Variants in SNX14 observed in about 807,000 individuals in gnomAD.
The protein encoded by SNX14 is sorting nexin-14.
Under a neutral mutation model 133.8 loss-of-function variants are expected in SNX14, and 93 were observed. The observed-to-expected ratio is 0.70, with a 90% CI of 0.59 to 0.83. SNX14 has a LOEUF of 0.83. SNX14 is among the 40% of genes least tolerant of loss of function. The probability of loss-of-function intolerance (pLI) is 0.00; values close to 1 mark genes in which losing one functional copy is unlikely to be tolerated. For synonymous variants in SNX14, 368 were observed against 365.6 expected (o/e 1.01, Z -0.07); for missense variants, 945 against 1,094.9 (o/e 0.86, Z 1.93).
At chr6:85,545,189 G>A (rs1420573746) in intron 12 of SNX14, among the ~76,000 whole-genome samples, 1 of 151,822 alleles carries the variant, frequency 6.6e-6, no homozygotes, top group Non-Finnish European at 1.5e-5. Context: ...CAAAAAAATA[G>A]GAAAGATAAA....
At chr6:85,554,289 AT>A (rs1788869223) in intron 7 of SNX14, among the ~76,000 whole-genome samples, 1 of 151,766 alleles carries the variant, frequency 6.6e-6, no homozygotes, top group Admixed American at 6.6e-5. Context: ...ATATTCATAT[AT>A]TTCATATACA....
chr6:85,572,033 T>C lies in SNX14; in HGVS notation c.417+104A>G, dbSNP rs534553048. On this transcript the variant is annotated intron_variant, in intron 4 of 28. Coordinates refer to ENST00000314673, the MANE Select transcript of SNX14 (RefSeq NM_153816.6). The stretch of plus-strand genomic sequence containing the variant: ...TGCCTCAGAACTGATTTAAGTGACA[T>C]GTATTAAGATGCTCCATGATTAAAT... The C allele has an allele frequency of 7.0e-5, 59 of 845,322 alleles. 1 individual carries two copies. In the South Asian group the frequency reaches 9.7e-4, roughly 14 times the overall value. 52.4% of individuals were successfully genotyped at this position (845,322 alleles called of 1,614,324 possible).
intron 1 of SNX14, chr6:85,589,225 C>CTT (rs34164476): frequency 1.5e-3 from 200 of 130,960 alleles, no homozygotes; most frequent in Middle Eastern, 7.9e-3. Flanking sequence ...TCTGGCACCA[C>CTT]TTTTTTTTTT....
In SNX14 at chr6:85,528,306, C is replaced by G; in HGVS notation, c.1951G>C (p.Glu651Gln). 6.2e-7 allele frequency: 1 copy of G among 1,613,322 alleles called. No homozygotes were observed. Among genetic ancestry groups the G allele is most frequent in the Non-Finnish European group, 8.5e-7 (1 of 1,179,602 alleles). The change falls in exon 20 of 29, where the codon GAA (glutamate) becomes CAA (glutamine). Residue 651 changes from glutamate to glutamine, a missense_variant. Physicochemically the swap from Glu to Gln is conservative, Grantham distance 29 (BLOSUM62 2). Transcript: ENST00000314673. ...SKRIIGPKNY[E>Q]FLKSKREEFQ... ...TCTTCCCTCTTTGACTTTAAGAATTCATAATTTTTGGGGCCAATGATCCTC... is the reference window on the plus strand; with the variant it reads ...TCTTCCCTCTTTGACTTTAAGAATTGATAATTTTTGGGGCCAATGATCCTC...
intron 17 of SNX14, 59 bp downstream of exon 17, chr6:85,536,733 T>C: frequency 2.6e-6 from 4 of 1,525,346 alleles, no homozygotes; most frequent in Non-Finnish European, 3.5e-6. Context: ...GTATATCTAA[T>C]TTTTATGTCA....
intron 18 of SNX14, among the ~76,000 whole-genome samples, chr6:85,532,418 C>T (rs1371388595): frequency 6.6e-6 from 1 of 152,180 alleles, no homozygotes; most frequent in Non-Finnish European, 1.5e-5. Context: ...TTCTTCCCTC[C>T]CAATTCCTAT....
chr6:85,538,056 T>C (rs1782495202), intron 16 of SNX14, among the ~76,000 whole-genome samples: 1 of 152,258 alleles, frequency 6.6e-6, no homozygotes. Context: ...GTATAGCTAT[T>C]ACTCCTATGA....
At chr6:85,558,875 C>A (rs1790611067) in intron 6 of SNX14, among the ~76,000 whole-genome samples, 1 of 151,326 alleles carries the variant, frequency 6.6e-6, no homozygotes, top group East Asian at 1.9e-4. Context: ...CTAGAAGCTG[C>A]AGTGATCATG....
At position 85,534,831 on chromosome 6, in the gene SNX14, G is replaced by GTTTT. The variant is rs371318721; in HGVS notation, c.1609-1035_1609-1032dup. On this transcript the variant is annotated intron_variant, in intron 17 of 28. Coordinates refer to ENST00000314673, the MANE Select transcript of SNX14 (RefSeq NM_153816.6). ...TAGTCTACAGGGGTGAAAAGGGAAA[G>GTTTT]TTTTTTTTTTTTTTTTTAAAGAAAA... is the stretch of plus-strand genomic sequence containing the variant. Among the ~76,000 whole-genome samples, 50 of 141,014 alleles carry GTTTT rather than the reference G, an allele frequency of 3.5e-4. 1 individual carries two copies. The South Asian group carries it at 5.7e-3, about 16-fold the overall frequency. The allele number at this position is 141,014 out of a possible 152,430, so 92.5% of individuals were successfully genotyped here.
chr6:85,546,484 T>C (rs1399291251), intron 12 of SNX14, among the ~76,000 whole-genome samples: 2 of 152,200 alleles, frequency 1.3e-5, no homozygotes, highest in African/African-American at 2.4e-5. Context: ...AACAATCCTT[T>C]ACAAAAACTG....
intron 19 of SNX14, among the ~76,000 whole-genome samples, chr6:85,529,552 C>T (rs1356175485): frequency 6.6e-6 from 1 of 152,180 alleles, no homozygotes; most frequent in Non-Finnish European, 1.5e-5. Context: ...GAGGATGGTA[C>T]TGCACCAGAT....
Position 85,505,893 on chromosome 6 carries a change from C to T in SNX14, c.*74G>A. 4.0e-6 allele frequency: 4 copies of T among 990,604 alleles called. No homozygotes were observed. The highest frequency in any genetic ancestry group is 6.4e-6 in the Non-Finnish European group (4 of 622,194). The allele number at this position is 990,604 out of a possible 1,614,324, so 61.4% of individuals were successfully genotyped here. A position where few individuals can be genotyped will look rare whatever the true frequency, so the allele number is the denominator to read the frequency against. On this transcript the variant is annotated 3_prime_UTR_variant, in exon 29 of 29. Coordinates refer to ENST00000314673, the MANE Select transcript of SNX14 (RefSeq NM_153816.6). Reference sequence around the variant, plus strand: ...TGTACATAATATATATAAGAATATACCCAAAAAAGTAAATTTCTACCACCC... The same window carrying T: ...TGTACATAATATATATAAGAATATATCCAAAAAAGTAAATTTCTACCACCC...
intron 1 of SNX14, among the ~76,000 whole-genome samples, chr6:85,574,851 A>G (rs757893525): frequency 2.7e-4 from 41 of 151,734 alleles, no homozygotes; most frequent in Non-Finnish European, 4.6e-4. Context: ...AGTAAAAATA[A>G]GCACAATACT....
intron 14 of SNX14, among the ~76,000 whole-genome samples, chr6:85,542,320 C>T (rs1050128918): frequency 1.3e-5 from 2 of 152,178 alleles, no homozygotes; most frequent in Non-Finnish European, 1.5e-5. Context: ...TATTTGGTCC[C>T]AATCTATCTA....
At chr6:85,561,062 G>A (rs566675863) in intron 6 of SNX14, among the ~76,000 whole-genome samples, 33 of 142,748 alleles carry the variant, frequency 2.3e-4, no homozygotes, top group African/African-American at 7.8e-4. Context: ...GGCTGGGCAC[G>A]GTGGCTCACA....
intron 1 of SNX14, 84 bp downstream of exon 1, chr6:85,593,495 G>A (rs1803599131): frequency 1.3e-6 from 2 of 1,484,740 alleles, no homozygotes; most frequent in Admixed American, 4.9e-5. Flanking sequence ...CAGCTACGCG[G>A]CCTCCGCACG....
At chr6:85,542,481 G>A (rs1284857920) in intron 14 of SNX14, among the ~76,000 whole-genome samples, 1 of 152,020 alleles carries the variant, frequency 6.6e-6, no homozygotes, top group Admixed American at 6.6e-5. Context: ...TGCAAGCTCC[G>A]CCTCCCGGGT....
chr6:85,542,759 T>C (rs557038847), intron 14 of SNX14, among the ~76,000 whole-genome samples: 43 of 152,240 alleles, frequency 2.8e-4, no homozygotes, highest in African/African-American at 9.4e-4. Context: ...TTCTTAATCT[T>C]GGTTTTTTTG....
intron 7 of SNX14, among the ~76,000 whole-genome samples, chr6:85,552,194 A>ACG (rs1562311635): frequency 6.6e-6 from 1 of 150,662 alleles, no homozygotes; most frequent in African/African-American, 2.4e-5. Context: ...CCGCCACTAC[A>ACG]CCCGGCTAAT....
Sources: gnomAD v4.1 joint callset for allele counts (sites outside exome capture counted in the v4.1 genomes callset) on GRCh38, gnomAD v4.1.1 for gene constraint, MANE v1.5 for transcripts, NCBI Gene and HGNC (gene_info 2026-07-23, HGNC 2026-07-21) for gene names.